MARCHF1: variants seen among roughly 807,000 people sequenced by gnomAD.
MARCHF1 encodes E3 ubiquitin-protein ligase MARCHF1.
Under a neutral mutation model 54.2 loss-of-function variants are expected in MARCHF1, and 40 were observed. That is an observed-to-expected ratio of 0.74 (90% CI 0.57 to 0.96). The LOEUF (loss-of-function observed/expected upper bound fraction) is 0.96, where lower values mean the gene tolerates loss of function less well. Ranked by LOEUF, MARCHF1 falls within the 40% of genes least tolerant of loss-of-function variation. The pLI, the probability that MARCHF1 is intolerant of heterozygous loss-of-function variation, is 0.00. For missense variants in MARCHF1, 586 were observed against 656.5 expected, an observed-to-expected ratio of 0.89 and a Z score of 1.17; for synonymous variants, 236 against 236.3, an observed-to-expected ratio of 1.00 and a Z score of 0.01.
intron 3 of MARCHF1, among the ~76,000 whole-genome samples, chr4:163,902,422 G>A (rs1042883557): frequency 2.0e-5 from 3 of 152,146 alleles, no homozygotes; most frequent in Non-Finnish European, 4.4e-5. Context: ...CATTAATACG[G>A]CGAATGGATC....
chr4:164,379,327 G>C (rs1731296826), intron 1 of MARCHF1, among the ~76,000 whole-genome samples: 1 of 151,668 alleles, frequency 6.6e-6, no homozygotes, highest in Non-Finnish European at 1.5e-5. Flanking sequence ...CAAGCACAGA[G>C]AGAAAAAAAA....
intron 8 of MARCHF1, among the ~76,000 whole-genome samples, chr4:163,573,574 G>C (rs1457457274): frequency 1.3e-5 from 2 of 149,572 alleles, no homozygotes; most frequent in Non-Finnish European, 3.0e-5. Flanking sequence ...TTGGTTTTTT[G>C]TTCTTGTGAT....
intron 3 of MARCHF1, among the ~76,000 whole-genome samples, chr4:163,899,469 A>G (rs888814955): frequency 1.2e-4 from 18 of 152,156 alleles, no homozygotes; most frequent in Non-Finnish European, 1.6e-4. Flanking sequence ...TTTGTGTCCT[A>G]TTTCCACCTC....
At chr4:164,274,331 T>A (rs1273871680) in intron 1 of MARCHF1, among the ~76,000 whole-genome samples, 1 of 152,202 alleles carries the variant, frequency 6.6e-6, no homozygotes, top group Admixed American at 6.5e-5. Context: ...TAGCAAGTAA[T>A]TGTTTCAATA....
At chr4:163,618,360 G>T (rs545198403) in intron 5 of MARCHF1, among the ~76,000 whole-genome samples, 1 of 152,078 alleles carries the variant, frequency 6.6e-6, no homozygotes, top group African/African-American at 2.4e-5. Context: ...TAATACGCCC[G>T]AGGACAACTC....
intron 5 of MARCHF1, among the ~76,000 whole-genome samples, chr4:163,620,121 T>C (rs1013686656): frequency 2.0e-5 from 3 of 152,114 alleles, no homozygotes; most frequent in African/African-American, 4.8e-5. Flanking sequence ...GGTAGGTAGT[T>C]CACAGAAAGG....
intron 4 of MARCHF1, among the ~76,000 whole-genome samples, chr4:163,702,218 C>A (rs1744831070): frequency 6.6e-6 from 1 of 152,136 alleles, no homozygotes; most frequent in African/African-American, 2.4e-5. Context: ...TCATAACAGC[C>A]CCATGCTCCA....
chr4:164,280,807 G>C (rs1445506599), intron 1 of MARCHF1, among the ~76,000 whole-genome samples: 1 of 152,018 alleles, frequency 6.6e-6, no homozygotes, highest in South Asian at 2.1e-4. Context: ...GATAAAACTA[G>C]AACATACATT....
chr4:163,760,539 G>A (rs1746800015), intron 4 of MARCHF1, among the ~76,000 whole-genome samples: 1 of 151,920 alleles, frequency 6.6e-6, no homozygotes, highest in Admixed American at 6.6e-5. Flanking sequence ...TCCCTTTTTG[G>A]TTTGGCTAAT....
At chr4:164,004,333 A>T (rs1753244582) in intron 2 of MARCHF1, among the ~76,000 whole-genome samples, 1 of 152,100 alleles carries the variant, frequency 6.6e-6, no homozygotes, top group African/African-American at 2.4e-5. Flanking sequence ...TATTAGGAAG[A>T]TATACAAACA....
chr4:163,865,811 AG>A (rs892741803), intron 3 of MARCHF1, among the ~76,000 whole-genome samples: 16 of 151,686 alleles, frequency 1.1e-4, no homozygotes, highest in Non-Finnish European at 1.6e-4. Context: ...CTGAATGTCT[AG>A]GTTTATTTTG....
intron 5 of MARCHF1, among the ~76,000 whole-genome samples, chr4:163,617,831 G>A (rs760857548): frequency 2.0e-5 from 3 of 152,128 alleles, no homozygotes; most frequent in Non-Finnish European, 4.4e-5. Context: ...TGTGAACCAC[G>A]TGATGATGAG....
At chr4:163,739,992 G>A (rs1005739362) in intron 4 of MARCHF1, among the ~76,000 whole-genome samples, 1 of 151,780 alleles carries the variant, frequency 6.6e-6, no homozygotes, top group African/African-American at 2.4e-5. Flanking sequence ...TTTTTTTCTT[G>A]TGGCAACCAC....
rs995463368 is a variant in MARCHF1 at position 163,571,445 on chromosome 4, C to T, written c.1191+14304G>A. Reference sequence around the variant, plus strand: ...CTGAATGAAGGTAAAAATGATGAATCGTAAGTGGATGTTACTGGAGCCCTC... The same window carrying T: ...CTGAATGAAGGTAAAAATGATGAATTGTAAGTGGATGTTACTGGAGCCCTC... On this transcript the variant is annotated intron_variant, in intron 8 of 9. Coordinates refer to ENST00000514618, the MANE Select transcript of MARCHF1 (RefSeq NM_001394959.1). Among the ~76,000 whole-genome samples, 8 of 152,122 alleles carry T rather than the reference C, an allele frequency of 5.3e-5. No individual in the cohort carries two copies. In the East Asian group the frequency reaches 1.4e-3, roughly 26 times the overall value.
intron 2 of MARCHF1, among the ~76,000 whole-genome samples, chr4:164,048,514 G>T (rs970943190): frequency 6.6e-6 from 1 of 151,860 alleles, no homozygotes; most frequent in Non-Finnish European, 1.5e-5. Flanking sequence ...AATATCACAG[G>T]TTACATTTTC....
chr4:163,609,631 ATATATACG>A (rs1458305554), intron 7 of MARCHF1, among the ~76,000 whole-genome samples: 1 of 150,584 alleles, frequency 6.6e-6, no homozygotes, highest in Non-Finnish European at 1.5e-5. Flanking sequence ...GTGTATATAT[ATATATACG>A]TATATATATA....
intron 4 of MARCHF1, among the ~76,000 whole-genome samples, chr4:163,727,678 T>G (rs1443317833): frequency 1.3e-5 from 2 of 151,244 alleles, no homozygotes; most frequent in African/African-American, 4.9e-5. Context: ...GGTGTTTTCT[T>G]TTTTTTTTCT....
intron 5 of MARCHF1, among the ~76,000 whole-genome samples, chr4:163,639,063 G>T (rs906586613): frequency 6.6e-6 from 1 of 152,014 alleles, no homozygotes; most frequent in African/African-American, 2.4e-5. Flanking sequence ...TTGTTTAATG[G>T]GTATAGAGTT....
At chr4:163,656,855 T>C (rs1434652352) in intron 5 of MARCHF1, among the ~76,000 whole-genome samples, 2 of 151,850 alleles carry the variant, frequency 1.3e-5, no homozygotes, top group African/African-American at 4.8e-5. Context: ...TAAAATTCAG[T>C]ATCCCTTCAT....
Sources: allele counts gnomAD v4.1 joint callset (sites outside exome capture counted in the v4.1 genomes callset), GRCh38; gene constraint gnomAD v4.1.1; transcripts MANE v1.5; gene names NCBI Gene and HGNC (gene_info 2026-07-23, HGNC 2026-07-21).